HMGCLL1: variants seen among roughly 807,000 people sequenced by gnomAD.
HMGCLL1 encodes the protein 3-hydroxy-3-methylglutaryl-CoA lyase like 1.
Under a neutral mutation model 39.1 loss-of-function variants are expected in HMGCLL1, and 36 were observed. The ratio of observed to expected loss-of-function variants is 0.92; its 90% CI spans 0.71 to 1.22. The LOEUF (loss-of-function observed/expected upper bound fraction) is 1.22. HMGCLL1 is among the 50% of genes most tolerant of loss of function. The pLI is 0.00. For missense variants in HMGCLL1, 451 were observed against 416.5 expected, an observed-to-expected ratio of 1.08 and a Z score of -0.72; for synonymous variants, 149 against 144.0, an observed-to-expected ratio of 1.03 and a Z score of -0.25.
chr6:55,518,580 T>TA (rs1228609237), intron 3 of HMGCLL1, among the ~76,000 whole-genome samples: 3 of 152,132 alleles, frequency 2.0e-5, no homozygotes, highest in African/African-American at 7.2e-5. Context: ...CAAAAAAGGA[T>TA]ACAGCTTCCA....
the HMGCLL1 span, among the ~76,000 whole-genome samples, chr6:55,607,070 T>G: frequency 6.6e-6 from 1 of 152,180 alleles, no homozygotes; most frequent in Non-Finnish European, 1.5e-5. Flanking sequence ...AATAGGAAGC[T>G]AACACTCTCT....
intron 1 of HMGCLL1, chr6:55,577,216 G>C: frequency 6.5e-7 from 1 of 1,529,262 alleles, no homozygotes. Flanking sequence ...TAGTGCTGCT[G>C]TGAGTTCAAT....
chr6:55,653,878 C>A, the HMGCLL1 span, among the ~76,000 whole-genome samples: 5 of 150,858 alleles, frequency 3.3e-5, no homozygotes, highest in African/African-American at 9.8e-5. Context: ...CCTGTATTAA[C>A]CCTCCCATTC....
chr6:55,646,110 G>T, the HMGCLL1 span, among the ~76,000 whole-genome samples: 1 of 151,684 alleles, frequency 6.6e-6, no homozygotes, highest in Non-Finnish European at 1.5e-5. Flanking sequence ...TTTATTTATG[G>T]TTAAATCTTG....
At chr6:55,521,137 G>A (rs1038127810) in intron 3 of HMGCLL1, among the ~76,000 whole-genome samples, 1 of 152,028 alleles carries the variant, frequency 6.6e-6, no homozygotes, top group African/African-American at 2.4e-5. Flanking sequence ...ATACTATAAT[G>A]TGTTCCAAAT....
At chr6:55,449,634 C>T (rs537531060) in intron 7 of HMGCLL1, among the ~76,000 whole-genome samples, 98 of 152,320 alleles carry the variant, frequency 6.4e-4, no homozygotes, top group African/African-American at 2.2e-3. Flanking sequence ...TTGTTCCACA[C>T]TTTTAATTTT....
upstream of HMGCLL1, among the ~76,000 whole-genome samples, chr6:55,582,100 A>G (rs988975377): frequency 2.6e-5 from 4 of 152,134 alleles, no homozygotes; most frequent in African/African-American, 9.7e-5. Flanking sequence ...AAGCAACACC[A>G]TAATGCAGTG....
rs1256905335 is a variant in HMGCLL1, at chr6:55,538,891, G to A, written c.297+2838C>T. On this transcript the variant is annotated intron_variant, in intron 3 of 8. Transcript: ENST00000274901. ...AGTGACAATGGGATAGAGAAAATTA[G>A]TTTCTTTTGAGGATAAATAAAAGTC... 2.6e-5 allele frequency among the ~76,000 whole-genome samples: 4 copies of A among 151,944 alleles called. No individual in the cohort carries two copies. In the East Asian group the frequency reaches 5.8e-4, roughly 22 times the overall value.
At chr6:55,493,526 T>A (rs1286680603) in intron 7 of HMGCLL1, among the ~76,000 whole-genome samples, 1 of 152,164 alleles carries the variant, frequency 6.6e-6, no homozygotes, top group Admixed American at 6.5e-5. Context: ...TTCAACCAAT[T>A]TAGCAAATTT....
At chr6:55,653,017 G>A in the HMGCLL1 span, among the ~76,000 whole-genome samples, 1 of 151,874 alleles carries the variant, frequency 6.6e-6, no homozygotes, top group Non-Finnish European at 1.5e-5. Flanking sequence ...TGATTCTGAA[G>A]TCATCATTCT....
At chr6:55,540,876 A>G (rs1037927333) in intron 3 of HMGCLL1, among the ~76,000 whole-genome samples, 1 of 152,146 alleles carries the variant, frequency 6.6e-6, no homozygotes, top group African/African-American at 2.4e-5. Context: ...GGATAGGCAG[A>G]GAAAAGCACT....
chr6:55,562,666 C>G (rs1347642261), intron 1 of HMGCLL1, among the ~76,000 whole-genome samples: 1 of 152,096 alleles, frequency 6.6e-6, no homozygotes, highest in African/African-American at 2.4e-5. Flanking sequence ...CACTGGAAAA[C>G]TTACTTGAGG....
Position 55,490,477 on chromosome 6 carries a change from A to ATTTT in HMGCLL1, c.795+4938_795+4941dup, listed in dbSNP as rs1388434182. On this transcript the variant is annotated intron_variant, in intron 7 of 8. Coordinates refer to ENST00000274901, the MANE Select transcript of HMGCLL1 (RefSeq NM_001042406.2). The stretch of plus-strand genomic sequence containing the variant: ...CGACTCAGGAAACACTTGACAATCA[A>ATTTT]TTTTTCTACTACTTGCCCATTTGAT... 2.6e-5 allele frequency among the ~76,000 whole-genome samples: 4 copies of ATTTT among 152,146 alleles called. No homozygotes were observed. The East Asian group carries it at 7.7e-4, about 29-fold the overall frequency.
chr6:55,643,456 G>C, the HMGCLL1 span, among the ~76,000 whole-genome samples: 8 of 151,798 alleles, frequency 5.3e-5, no homozygotes, highest in Non-Finnish European at 1.2e-4. Context: ...AAATTGCTTT[G>C]GGCAGTGTGG....
At chr6:55,476,171 G>A (rs1765275683) in intron 7 of HMGCLL1, among the ~76,000 whole-genome samples, 1 of 151,318 alleles carries the variant, frequency 6.6e-6, no homozygotes, top group Non-Finnish European at 1.5e-5. Flanking sequence ...GGTGAAAACT[G>A]GTATTTGTTC....
intron 3 of HMGCLL1, among the ~76,000 whole-genome samples, 186 bp from the exon 4 acceptor site, chr6:55,516,789 A>G (rs1222057783): frequency 6.6e-6 from 1 of 152,084 alleles, no homozygotes; most frequent in Non-Finnish European, 1.5e-5. Flanking sequence ...TAATAAGTAG[A>G]GATAAGTTTA....
At chr6:55,661,477 C>T in the HMGCLL1 span, among the ~76,000 whole-genome samples, 2 of 151,756 alleles carry the variant, frequency 1.3e-5, no homozygotes, top group African/African-American at 2.4e-5. Context: ...GAGTTCTTTC[C>T]CCAGTGCTTG....
At chr6:55,650,106 T>TACACAC in the HMGCLL1 span, among the ~76,000 whole-genome samples, 711 of 71,136 alleles carry the variant, frequency 1.0e-2, 50 homozygotes, top group African/African-American at 0.044. Context: ...TATATATATA[T>TACACAC]ATATATATAT....
chr6:55,531,777 T>C (rs1462668730), intron 3 of HMGCLL1, among the ~76,000 whole-genome samples: 3 of 152,268 alleles, frequency 2.0e-5, no homozygotes, highest in East Asian at 1.9e-4. Flanking sequence ...TAGATTTTCA[T>C]AGGAGTGCAT....
Sources: allele counts gnomAD v4.1 joint callset (sites outside exome capture counted in the v4.1 genomes callset), GRCh38; gene constraint gnomAD v4.1.1; transcripts MANE v1.5; gene names NCBI Gene and HGNC (gene_info 2026-07-23, HGNC 2026-07-21).